The following PTGIS variants were observed in gnomAD, a reference collection of about 807,000 sequenced individuals.
PTGIS encodes prostacyclin synthase.
In PTGIS, 45 loss-of-function variants were observed where a neutral mutation model predicts 50.3. That is an observed-to-expected ratio of 0.90 (90% CI 0.70 to 1.15). The LOEUF is 1.15. Ranked by LOEUF, PTGIS falls within the 50% of genes most tolerant of loss-of-function variation. The probability of loss-of-function intolerance (pLI) is 0.00; values close to 1 mark genes in which losing one functional copy is unlikely to be tolerated. For missense variants in PTGIS, 668 were observed against 661.3 expected (o/e 1.01, Z -0.11); for synonymous variants, 260 against 267.7 (o/e 0.97, Z 0.28).
chr20:49,568,127 G>GCGGGGCTGGCGGGGCTGGCGGGGCTGA lies in PTGIS; in HGVS notation c.-12_-11insTCAGCCCCGCCAGCCCCGCCAGCCCCG. The GCGGGGCTGGCGGGGCTGGCGGGGCTGA allele has an allele frequency of 8.8e-7, 1 of 1,133,378 alleles. No individual in the cohort carries two copies. The highest frequency in any genetic ancestry group is 1.1e-6 in the Non-Finnish European group (1 of 871,778). The allele number at this position is 1,133,378 out of a possible 1,614,324, so 70.2% of individuals were successfully genotyped here. A position where few individuals can be genotyped will look rare whatever the true frequency, so the allele number is the denominator to read the frequency against. ...CGCGGCCCAAGCCATCGCGGGGCTG[G>GCGGGGCTGGCGGGGCTGGCGGGGCTGA]CGGGGCTGGCGGGGCTGGCGGGGCT... On this transcript the variant is annotated 5_prime_UTR_variant, in exon 1 of 10. Transcript: ENST00000244043.
chr20:49,568,097 A>C lies in PTGIS; in HGVS notation c.20T>G (p.Leu7Arg). The C allele has an allele frequency of 6.9e-7, 1 of 1,445,400 alleles. No individual in the cohort carries two copies. Among genetic ancestry groups the C allele is most frequent in the Non-Finnish European group, 9.0e-7 (1 of 1,105,154 alleles). The allele number at this position is 1,445,400 out of a possible 1,614,324, so 89.5% of individuals were successfully genotyped here. A position where few individuals can be genotyped will look rare whatever the true frequency, so the allele number is the denominator to read the frequency against. ...CAGCAACAGTGCGGCCAGGAGGCCG[A>C]GGAGCGCGGCCCAAGCCATCGCGGG... MAWAAL[L>R]GLLAALLLLL... Residue 7 changes from leucine (L) to arginine (R), a missense_variant, in exon 1 of 10, where the codon CTC (leucine) becomes CGC (arginine). By Grantham distance (102) the Leu-to-Arg change is moderately radical. Transcript: ENST00000244043.
chr20:49,543,785 A>G (rs1207261873), intron 4 of PTGIS, among the ~76,000 whole-genome samples: 1 of 152,182 alleles, frequency 6.6e-6, no homozygotes, highest in Non-Finnish European at 1.5e-5. Flanking sequence ...ACTCTCTGAC[A>G]TAACTCAATT....
Position 49,513,072 on chromosome 20 carries a change from C to A in PTGIS, c.1206+8G>T. On this transcript the variant is annotated splice_region_variant and intron_variant, in intron 8 of 9. Coordinates refer to ENST00000244043, the MANE Select transcript of PTGIS (RefSeq NM_000961.4). ...GACCCCATATGACCAGGCGCCCCTG[C>A]CATTTACCTCTGGGTCTGTGTAGAT... The A allele has an allele frequency of 6.2e-7, 1 of 1,614,134 alleles. No individual in the cohort carries two copies. The highest frequency in any genetic ancestry group is 2.2e-5 in the East Asian group (1 of 44,870).
At chr20:49,530,083 G>A (rs1981897765) in intron 5 of PTGIS, among the ~76,000 whole-genome samples, 1 of 151,972 alleles carries the variant, frequency 6.6e-6, no homozygotes, top group South Asian at 2.1e-4. Flanking sequence ...GAATCTGGGG[G>A]GCGGAGGTTG....
At chr20:49,541,537 G>T (rs1982228866) in intron 4 of PTGIS, among the ~76,000 whole-genome samples, 1 of 152,136 alleles carries the variant, frequency 6.6e-6, no homozygotes, top group African/African-American at 2.4e-5. Flanking sequence ...TTCGAGACCA[G>T]CTTGGCCAAC....
chr20:49,530,550 G>A (rs967969173), intron 5 of PTGIS, among the ~76,000 whole-genome samples: 3 of 152,152 alleles, frequency 2.0e-5, no homozygotes, highest in Admixed American at 6.5e-5. Flanking sequence ...CCACCAGTGC[G>A]AAAGAGTTCT....
At chr20:49,516,259 C>T (rs376376854) in intron 6 of PTGIS, among the ~76,000 whole-genome samples, 35 of 152,196 alleles carry the variant, frequency 2.3e-4, no homozygotes, top group African/African-American at 7.9e-4. Context: ...TTGCAAATAC[C>T]TTTTAAACTG....
intron 3 of PTGIS, among the ~76,000 whole-genome samples, chr20:49,546,029 C>T (rs979916346): frequency 1.3e-5 from 2 of 152,156 alleles, no homozygotes; most frequent in East Asian, 3.8e-4. Context: ...GCTCATGACT[C>T]ATGTATGACA....
At chr20:49,544,701 C>A (rs899700201) in intron 3 of PTGIS, among the ~76,000 whole-genome samples, 4 of 152,170 alleles carry the variant, frequency 2.6e-5, no homozygotes, top group Non-Finnish European at 4.4e-5. Flanking sequence ...TATTATGACA[C>A]CCATTTTACA....
intron 3 of PTGIS, among the ~76,000 whole-genome samples, chr20:49,545,317 G>T (rs907780147): frequency 6.6e-6 from 1 of 152,102 alleles, no homozygotes; most frequent in Non-Finnish European, 1.5e-5. Flanking sequence ...TACTCAGGAG[G>T]CTGAGGTGGG....
chr20:49,564,321 C>T (rs905123020), intron 1 of PTGIS, among the ~76,000 whole-genome samples: 2 of 151,948 alleles, frequency 1.3e-5, no homozygotes, highest in African/African-American at 4.8e-5. Flanking sequence ...GCGCAAGCTC[C>T]GCTCACTGCA....
At position 49,504,847 on chromosome 20, in the gene PTGIS, G is replaced by T. The variant is rs1981098111; in HGVS notation, c.*3073C>A. On this transcript the variant is annotated 3_prime_UTR_variant, in exon 10 of 10. Coordinates refer to ENST00000244043, the MANE Select transcript of PTGIS (RefSeq NM_000961.4). ...ACTTAAGAGTATTTTATTCTTGGCT[G>T]GGCGCGGTGGCTCACACCTGTAATC... 1 of 151,976 alleles carries T rather than the reference G, an allele frequency of 6.6e-6. No homozygotes were observed. The highest frequency in any genetic ancestry group is 2.1e-4 in the South Asian group (1 of 4,810). 9.4% of individuals were successfully genotyped at this position (151,976 alleles called of 1,614,324 possible).
In PTGIS at chr20:49,547,905, C is replaced by G. The variant is rs761033223; in HGVS notation, c.313G>C (p.Glu105Gln). The G allele has an allele frequency of 1.2e-6, 2 of 1,614,008 alleles. No individual in the cohort carries two copies. The highest frequency in any genetic ancestry group is 2.2e-5 in the South Asian group (2 of 91,082). Reference sequence around the variant, plus strand: ...GGAAGCTGCACATCAAAAATCCTCTCCATGAGGAAGATGGCATAGGCATGG... The same window carrying G: ...GGAAGCTGCACATCAAAAATCCTCTGCATGAGGAAGATGGCATAGGCATGG... ...DFHAYAIFLM[E>Q]RIFDVQLPHY... Residue 105 changes from glutamate (E) to glutamine (Q), a missense_variant, in exon 3 of 10, where the codon GAG becomes CAG. Physicochemically the swap from Glu to Gln is conservative, Grantham distance 29. Coordinates refer to ENST00000244043, the MANE Select transcript of PTGIS (RefSeq NM_000961.4).
chr20:49,534,976 A>T (rs188880258), intron 5 of PTGIS, among the ~76,000 whole-genome samples: 1 of 152,330 alleles, frequency 6.6e-6, no homozygotes, highest in South Asian at 2.1e-4. Flanking sequence ...ACTGCACTCC[A>T]GTCTGGGTGA....
intron 5 of PTGIS, among the ~76,000 whole-genome samples, chr20:49,539,245 A>G (rs1982159900): frequency 1.3e-5 from 2 of 152,152 alleles, no homozygotes; most frequent in African/African-American, 4.8e-5. Flanking sequence ...TGAATTTTTT[A>G]TAATCAGCAC....
In PTGIS at chr20:49,506,199, A is replaced by G. The variant is rs1601173519; in HGVS notation, c.*1721T>C. ...ACCTCACCTCTCAGTTTTCTCATCT[A>G]TGAAGTGGGCACAACCCTCCTTCTC... is the stretch of plus-strand genomic sequence containing the variant. On this transcript the variant is annotated 3_prime_UTR_variant, in exon 10 of 10. Coordinates refer to ENST00000244043, the MANE Select transcript of PTGIS (RefSeq NM_000961.4). 6.6e-6 allele frequency: 1 copy of G among 152,524 alleles called. No individual in the cohort carries two copies. The highest frequency in any genetic ancestry group is 3.4e-3 in the Middle Eastern group (1 of 294). The allele number at this position is 152,524 out of a possible 1,614,324, so 9.4% of individuals were successfully genotyped here.
At chr20:49,525,596 T>TAAA (rs772604371) in intron 5 of PTGIS, among the ~76,000 whole-genome samples, 2 of 151,154 alleles carry the variant, frequency 1.3e-5, no homozygotes, top group South Asian at 2.1e-4. Flanking sequence ...TTTTTTTTTT[T>TAAA]AAAATATTTT....
chr20:49,544,022 C>G (rs1982294348), intron 4 of PTGIS, among the ~76,000 whole-genome samples: 1 of 152,212 alleles, frequency 6.6e-6, no homozygotes, highest in African/African-American at 2.4e-5. Flanking sequence ...AGTCTGGAAG[C>G]CACAGGACAA....
At chr20:49,547,380 G>A (rs1185083803) in intron 3 of PTGIS, among the ~76,000 whole-genome samples, 2 of 152,184 alleles carry the variant, frequency 1.3e-5, no homozygotes, top group Admixed American at 6.5e-5. Context: ...CTCCAGCATT[G>A]TTGTGAAGAC....
Sources: gnomAD v4.1 joint callset for allele counts (sites outside exome capture counted in the v4.1 genomes callset) on GRCh38, gnomAD v4.1.1 for gene constraint, MANE v1.5 for transcripts, NCBI Gene and HGNC (gene_info 2026-07-23, HGNC 2026-07-21) for gene names.